Variants in ST3GAL3 observed in about 807,000 individuals in gnomAD.
ST3GAL3 encodes ST3 beta-galactoside alpha-2,3-sialyltransferase 3.
ST3GAL3 carries 21 observed loss-of-function variants against 50.1 expected under a neutral mutation model. That is an observed-to-expected ratio of 0.42 (90% CI 0.30 to 0.60). The LOEUF is 0.60. Ranked by LOEUF, ST3GAL3 falls within the 20% of genes least tolerant of loss-of-function variation. ST3GAL3 has a pLI of 0.19. For synonymous variants in ST3GAL3, 183 were observed against 190.0 expected (o/e 0.96, Z 0.30); for missense variants, 353 against 489.4 (o/e 0.72, Z 2.63).
intron 2 of ST3GAL3, among the ~76,000 whole-genome samples, chr1:43,755,564 G>T (rs1252911842): frequency 6.6e-6 from 1 of 152,174 alleles, no homozygotes; most frequent in Non-Finnish European, 1.5e-5. Context: ...GAGGATGAAT[G>T]TATTTCCTTC....
chr1:43,708,468 A>T (rs1464962108), intron 1 of ST3GAL3, among the ~76,000 whole-genome samples: 1 of 152,214 alleles, frequency 6.6e-6, no homozygotes, highest in African/African-American at 2.4e-5. Flanking sequence ...TGTGAATTAT[A>T]GATAGCTGGA....
intron 9 of ST3GAL3, among the ~76,000 whole-genome samples, chr1:43,906,700 T>C (rs1456998613): frequency 6.6e-6 from 1 of 152,136 alleles, no homozygotes; most frequent in Non-Finnish European, 1.5e-5. Flanking sequence ...CTTGCTGCTT[T>C]TCCTTCCTTT....
intron 5 of ST3GAL3, among the ~76,000 whole-genome samples, chr1:43,856,390 CATA>C (rs749524723): frequency 2.0e-5 from 3 of 152,196 alleles, no homozygotes; most frequent in Non-Finnish European, 4.4e-5. Flanking sequence ...TGCTCAAGGT[CATA>C]GTAGCACAGA....
chr1:43,888,338 A>AC (rs1553432758), intron 5 of ST3GAL3, among the ~76,000 whole-genome samples: 50 of 152,128 alleles, frequency 3.3e-4, no homozygotes, highest in African/African-American at 1.1e-3. Flanking sequence ...ATTTGACTTA[A>AC]AACAACAACA....
chr1:43,759,311 G>C (rs1689413692), intron 2 of ST3GAL3, among the ~76,000 whole-genome samples: 1 of 152,152 alleles, frequency 6.6e-6, no homozygotes, highest in Non-Finnish European at 1.5e-5. Flanking sequence ...GGGCGTGGTG[G>C]CATGTGCCTG....
At chr1:43,898,525 C>G in intron 7 of ST3GAL3, 2 of 617,212 alleles carry the variant, frequency 3.2e-6, no homozygotes, top group South Asian at 3.5e-5. Flanking sequence ...CCTCAGATAC[C>G]AGAGGTTTGA....
chr1:43,799,770 A>G (rs1177170621), intron 3 of ST3GAL3: 1 of 152,206 alleles, frequency 6.6e-6, no homozygotes, highest in Non-Finnish European at 1.5e-5. Flanking sequence ...TTTAAGATAC[A>G]AACTGCAGAG....
chr1:43,846,346 C>T (rs1290895615), intron 5 of ST3GAL3, among the ~76,000 whole-genome samples: 2 of 152,068 alleles, frequency 1.3e-5, no homozygotes, highest in African/African-American at 4.8e-5. Context: ...TTGAAATGTC[C>T]CTTTTTCTTA....
intron 2 of ST3GAL3, among the ~76,000 whole-genome samples, chr1:43,766,676 A>G (rs1693149427): frequency 6.6e-6 from 1 of 152,006 alleles, no homozygotes. Context: ...TGAGGTGTGG[A>G]GTTTAGATTT....
intron 5 of ST3GAL3, among the ~76,000 whole-genome samples, chr1:43,858,931 T>C (rs916060348): frequency 6.6e-6 from 1 of 152,194 alleles, no homozygotes; most frequent in African/African-American, 2.4e-5. Flanking sequence ...CCTTCTGCCC[T>C]GATGCAGGCA....
At chr1:43,841,941 A>G (rs2065448444) in intron 5 of ST3GAL3, 1 of 152,238 alleles carries the variant, frequency 6.6e-6, no homozygotes, top group Admixed American at 6.5e-5. Flanking sequence ...AGCCAGTCAT[A>G]TCTTGAATGC....
chr1:43,929,620 A>G (rs1465410279), intron 11 of ST3GAL3, among the ~76,000 whole-genome samples: 1 of 152,144 alleles, frequency 6.6e-6, no homozygotes, highest in Non-Finnish European at 1.5e-5. Flanking sequence ...TTTTCTAAAA[A>G]AGATTTGCCA....
At chr1:43,911,879 G>A (rs1307126409) in intron 9 of ST3GAL3, 2 of 151,864 alleles carry the variant, frequency 1.3e-5, no homozygotes, top group Non-Finnish European at 1.5e-5. Flanking sequence ...TCGTAGAGAC[G>A]GGTTTTCACC....
intron 2 of ST3GAL3, among the ~76,000 whole-genome samples, chr1:43,767,724 G>A (rs1380084291): frequency 5.3e-5 from 8 of 151,676 alleles, no homozygotes; most frequent in Non-Finnish European, 1.0e-4. Flanking sequence ...ACCTAATGTA[G>A]ATGATGGGTT....
At chr1:43,786,982 T>A (rs191037230) in intron 2 of ST3GAL3, among the ~76,000 whole-genome samples, 1 of 152,360 alleles carries the variant, frequency 6.6e-6, no homozygotes, top group East Asian at 1.9e-4. Flanking sequence ...ATTTGCTGCA[T>A]AATTTGTGCT....
intron 9 of ST3GAL3, among the ~76,000 whole-genome samples, chr1:43,915,562 G>C (rs549096658): frequency 1.3e-5 from 2 of 152,254 alleles, no homozygotes; most frequent in African/African-American, 4.8e-5. Context: ...TTCTGCCTTG[G>C]GGTGGAGGGG....
intron 2 of ST3GAL3, among the ~76,000 whole-genome samples, chr1:43,748,360 T>C (rs553071929): frequency 1.3e-5 from 2 of 151,228 alleles, no homozygotes; most frequent in Admixed American, 1.3e-4. Context: ...TAAAGACATC[T>C]AAATAAGGAG....
chr1:43,724,609 A>G (rs1342643843), intron 1 of ST3GAL3, among the ~76,000 whole-genome samples: 2 of 152,132 alleles, frequency 1.3e-5, no homozygotes, highest in Non-Finnish European at 2.9e-5. Context: ...TTCAAATTGT[A>G]TGCTAATTAT....
At chr1:43,720,168 G>A (rs981817525) in intron 1 of ST3GAL3, among the ~76,000 whole-genome samples, 3 of 151,998 alleles carry the variant, frequency 2.0e-5, no homozygotes, top group Non-Finnish European at 4.4e-5. Context: ...GGTTGCAGCT[G>A]CACTGAGCCA....
Sources: gnomAD v4.1 joint callset for allele counts (sites outside exome capture counted in the v4.1 genomes callset) on GRCh38, gnomAD v4.1.1 for gene constraint, MANE v1.5 for transcripts, NCBI Gene and HGNC (gene_info 2026-07-23, HGNC 2026-07-21) for gene names.